The following DLC1 variants were observed in gnomAD, a reference collection of about 807,000 sequenced individuals.
DLC1 encodes DLC1 Rho GTPase activating protein, also known as rho GTPase-activating protein 7.
In DLC1, 54 loss-of-function variants were observed where a neutral mutation model predicts 140.3. The ratio of observed to expected loss-of-function variants is 0.38; its 90% CI spans 0.31 to 0.48. The LOEUF is 0.48. DLC1 is among the 20% of genes least tolerant of loss of function. The pLI, the probability that DLC1 is intolerant of heterozygous loss-of-function variation, is 0.96. For synonymous variants in DLC1, 986 were observed against 728.1 expected, an observed-to-expected ratio of 1.35 and a Z score of -5.70; for missense variants, 2,536 against 1,907.0, an observed-to-expected ratio of 1.33 and a Z score of -6.14.
chr8:13,320,664 C>A (rs2116901965), intron 4 of DLC1, among the ~76,000 whole-genome samples: 1 of 151,962 alleles, frequency 6.6e-6, no homozygotes, highest in Non-Finnish European at 1.5e-5. Flanking sequence ...TAAGGCTCTC[C>A]TTGGGGGTGG....
At position 13,303,415 on chromosome 8, in the gene DLC1, TA is replaced by T. The variant is rs199638333; in HGVS notation, c.1348+1853del. On this transcript the variant is annotated intron_variant, in intron 5 of 17. Transcript: ENST00000276297. ...TGTAAGGAGGGACAGTTGATTTCAT[TA>T]AAAAAATTGTTGTTCTTAAGGAGGA... Among the ~76,000 whole-genome samples, 41 of 152,238 alleles carry T rather than the reference TA, an allele frequency of 2.7e-4. 1 individual carries two copies. In the East Asian group the frequency reaches 5.8e-3, roughly 21 times the overall value.
At chr8:13,360,481 A>G (rs922441730) in intron 4 of DLC1, among the ~76,000 whole-genome samples, 2 of 152,182 alleles carry the variant, frequency 1.3e-5, no homozygotes, top group Admixed American at 6.5e-5. Context: ...ATGGCTGCAC[A>G]TTGACATCAC....
intron 2 of DLC1, among the ~76,000 whole-genome samples, chr8:13,416,385 A>C (rs931816456): frequency 6.6e-6 from 1 of 152,212 alleles, no homozygotes; most frequent in African/African-American, 2.4e-5. Flanking sequence ...ATTTGATATA[A>C]AATTCAAAAA....
In DLC1 at chr8:13,199,092, C is replaced by T. The variant is rs567474929; in HGVS notation, c.1349-83435G>A. 3.8e-4 allele frequency among the ~76,000 whole-genome samples: 58 copies of T among 151,634 alleles called. 1 individual carries two copies. The highest frequency in any genetic ancestry group is 6.3e-4 in the African/African-American group (26 of 41,358). The stretch of plus-strand genomic sequence containing the variant: ...AACTTACAGCTTAAAAGAGACTTTG[C>T]GTATAATCTCATCTCAATTCACTGA... On this transcript the variant is annotated intron_variant, in intron 5 of 17. Coordinates refer to ENST00000276297, the MANE Select transcript of DLC1 (RefSeq NM_182643.3).
At chr8:13,495,589 C>A (rs143331456) in intron 2 of DLC1, among the ~76,000 whole-genome samples, 217 of 152,152 alleles carry the variant, frequency 1.4e-3, no homozygotes, top group Non-Finnish European at 1.9e-3. Context: ...TATTTGTGAT[C>A]CCCTATATAC....
intron 5 of DLC1, among the ~76,000 whole-genome samples, chr8:13,237,096 C>G (rs1396727040): frequency 6.6e-6 from 1 of 151,374 alleles, no homozygotes; most frequent in Non-Finnish European, 1.5e-5. Context: ...GTGCTTATAT[C>G]TCTTCTGTTG....
chr8:13,520,820 T>C (rs1333805494), intron 1 of DLC1, among the ~76,000 whole-genome samples: 1 of 152,016 alleles, frequency 6.6e-6, no homozygotes, highest in Non-Finnish European at 1.5e-5. Context: ...CTGAGGCTCT[T>C]CCTCTGTCAA....
chr8:13,099,204 GC>G, intron 9 of DLC1, 142 bp downstream of exon 9: 1 of 1,441,200 alleles, frequency 6.9e-7, no homozygotes, highest in South Asian at 1.5e-5. Flanking sequence ...GAATTTTGGT[GC>G]TTCCTGGTTT....
chr8:13,142,282 T>G (rs12156185), intron 5 of DLC1, among the ~76,000 whole-genome samples: 87,205 of 152,096 alleles, frequency 0.57, 26,347 homozygotes, highest in East Asian at 0.88. Flanking sequence ...TACAACTTAC[T>G]AGTTGTGAAA....
At chr8:13,415,687 C>A (rs1361993660) in intron 2 of DLC1, among the ~76,000 whole-genome samples, 3 of 152,192 alleles carry the variant, frequency 2.0e-5, no homozygotes, top group Non-Finnish European at 4.4e-5. Context: ...GCATGAGCCA[C>A]TGCAACCGGC....
rs772894753 is a variant in DLC1, at chr8:13,499,767, G to A, written c.305C>T (p.Ala102Val). ...EGEDQFLSLE[A>V]STETLVHVSD... is the part of the protein sequence containing the mutation. ...AACATGCACTAGTGTTTCTGTGCTG[G>A]CTTCCAGAGAAAGAAACTGATCTTC... is the stretch of plus-strand genomic sequence containing the variant. The change falls in exon 2 of 18, where the codon GCC (alanine) becomes GTC (valine). Residue 102 changes from alanine (A) to valine (V), a missense_variant. Coordinates refer to ENST00000276297, the MANE Select transcript of DLC1 (RefSeq NM_182643.3). 6.2e-7 allele frequency: 1 copy of A among 1,613,852 alleles called. No individual in the cohort carries two copies. Among genetic ancestry groups the A allele is most frequent in the East Asian group, 2.2e-5 (1 of 44,884 alleles).
intron 5 of DLC1, chr8:13,214,687 G>C (rs1254466966): frequency 6.4e-6 from 5 of 780,596 alleles, no homozygotes; most frequent in Non-Finnish European, 9.6e-6. Context: ...GGTGTAAGGA[G>C]ACAAACCAAT....
chr8:13,467,372 C>T (rs73555469), intron 2 of DLC1, among the ~76,000 whole-genome samples: 4,391 of 151,994 alleles, frequency 0.029, 86 homozygotes, highest in African/African-American at 0.053. Context: ...TTCTTCCCCT[C>T]CCCTCCTCTC....
chr8:13,295,656 A>T (rs909694779), intron 5 of DLC1, among the ~76,000 whole-genome samples: 7 of 152,222 alleles, frequency 4.6e-5, no homozygotes, highest in Admixed American at 1.3e-4. Context: ...AAACAAATCA[A>T]AGTGCTTCAA....
At chr8:13,161,060 G>C (rs149022340) in intron 5 of DLC1, among the ~76,000 whole-genome samples, 2,205 of 152,316 alleles carry the variant, frequency 0.014, 60 homozygotes, top group African/African-American at 0.048. Context: ...CAGCCTGGGC[G>C]ACAGAGCGAG....
intron 1 of DLC1, among the ~76,000 whole-genome samples, chr8:13,551,634 G>A (rs1803855170): frequency 6.6e-6 from 1 of 151,874 alleles, no homozygotes; most frequent in Admixed American, 6.6e-5. Flanking sequence ...ATCAAAGAGA[G>A]GTTCAGTATG....
chr8:13,562,529 T>G (rs1459915932), intron 1 of DLC1, among the ~76,000 whole-genome samples: 2 of 152,234 alleles, frequency 1.3e-5, no homozygotes, highest in Non-Finnish European at 2.9e-5. Context: ...ATATCATTTC[T>G]TATCCTTTAG....
chr8:13,568,098 T>A (rs1486545459), intron 1 of DLC1: 10 of 848,634 alleles, frequency 1.2e-5, no homozygotes, highest in Non-Finnish European at 1.8e-5. Context: ...TAGAAGGCAC[T>A]GTTGTAGTTG....
intron 4 of DLC1, among the ~76,000 whole-genome samples, chr8:13,333,891 G>A (rs1586155305): frequency 6.6e-6 from 1 of 152,138 alleles, no homozygotes; most frequent in East Asian, 1.9e-4. Flanking sequence ...ATTTTCAAGT[G>A]TCTTCTCTGT....
Sources: allele counts gnomAD v4.1 joint callset (sites outside exome capture counted in the v4.1 genomes callset), GRCh38; gene constraint gnomAD v4.1.1; transcripts MANE v1.5; gene names NCBI Gene and HGNC (gene_info 2026-07-23, HGNC 2026-07-21).